DCP1A: variants seen among roughly 807,000 people sequenced by gnomAD.
DCP1A encodes the protein mRNA-decapping enzyme 1A.
DCP1A carries 20 observed loss-of-function variants against 58.0 expected under a neutral mutation model. That is an observed-to-expected ratio of 0.34 (90% CI 0.24 to 0.50). The LOEUF (loss-of-function observed/expected upper bound fraction) is 0.50. Among genes scored for constraint, DCP1A ranks in the 20% least tolerant of loss-of-function variants. The probability of loss-of-function intolerance (pLI) is 0.98; values close to 1 mark genes in which losing one functional copy is unlikely to be tolerated. For missense variants in DCP1A, 613 were observed against 712.2 expected (o/e 0.86, Z 1.59); for synonymous variants, 285 against 275.1 (o/e 1.04, Z -0.36).
At chr3:53,336,230 C>T (rs959602817) in intron 3 of DCP1A, among the ~76,000 whole-genome samples, 4 of 152,106 alleles carry the variant, frequency 2.6e-5, no homozygotes, top group East Asian at 1.9e-4. Flanking sequence ...CAGTCTCTCC[C>T]GAGTAGCTGG....
intron 2 of DCP1A, among the ~76,000 whole-genome samples, chr3:53,344,647 T>A (rs2089269719): frequency 6.6e-6 from 1 of 152,214 alleles, no homozygotes; most frequent in South Asian, 2.1e-4. Flanking sequence ...AGGCATCCAT[T>A]TTAGACTCAA....
intron 3 of DCP1A, among the ~76,000 whole-genome samples, chr3:53,334,048 G>C (rs115452987): frequency 0.022 from 3,355 of 152,220 alleles, 49 homozygotes; most frequent in Middle Eastern, 0.034. Flanking sequence ...GATTGCTTGA[G>C]CCCAGGAGTT....
At chr3:53,333,479 G>GT (rs2089053826) in intron 3 of DCP1A, among the ~76,000 whole-genome samples, 1 of 152,130 alleles carries the variant, frequency 6.6e-6, no homozygotes, top group Middle Eastern at 3.4e-3. Context: ...TATCAGGTTT[G>GT]TTAACTGTAT....
intron 3 of DCP1A, among the ~76,000 whole-genome samples, chr3:53,322,180 C>G (rs185756299): frequency 6.6e-6 from 1 of 152,004 alleles, no homozygotes; most frequent in Non-Finnish European, 1.5e-5. Context: ...CGGCTGGGCA[C>G]GGTGGCTCAT....
intron 3 of DCP1A, chr3:53,338,258 C>T (rs1036589474): frequency 2.9e-5 from 10 of 339,470 alleles, no homozygotes; most frequent in Admixed American, 2.0e-4. Flanking sequence ...CTTGTGACTG[C>T]CAAAAGGCCC....
intron 3 of DCP1A, chr3:53,328,860 T>G (rs1279970382): frequency 1.3e-5 from 2 of 152,502 alleles, no homozygotes; most frequent in East Asian, 1.9e-4. Flanking sequence ...TTTCCTTATC[T>G]TGGTCCAGAA....
At chr3:53,298,759 A>C (rs974118426) in intron 6 of DCP1A, among the ~76,000 whole-genome samples, 26 of 152,260 alleles carry the variant, frequency 1.7e-4, no homozygotes, top group Admixed American at 1.7e-3. Flanking sequence ...GCTACAGATC[A>C]AAATGCATCA....
intron 3 of DCP1A, among the ~76,000 whole-genome samples, chr3:53,331,280 T>C (rs1316285223): frequency 1.3e-5 from 2 of 152,220 alleles, no homozygotes; most frequent in African/African-American, 4.8e-5. Flanking sequence ...GGTTATACTG[T>C]AGACTGTCTA....
rs2106781909 is a variant in DCP1A at position 53,287,333 on chromosome 3, G to T, written c.*247C>A. The T allele has an allele frequency of 2.5e-6, 1 of 396,534 alleles. No homozygotes were observed. 24.6% of individuals were successfully genotyped at this position (396,534 alleles called of 1,614,324 possible). ...AAACACCCACATAACTTAACACAAT[G>T]ATCGCTCTCTTTTTTTTTTTTTTTT... On this transcript the variant is annotated 3_prime_UTR_variant, in exon 10 of 10. Coordinates refer to ENST00000610213, the MANE Select transcript of DCP1A (RefSeq NM_018403.7).
At chr3:53,334,849 CAACTGCTG>C (rs1455999953) in intron 3 of DCP1A, among the ~76,000 whole-genome samples, 2 of 152,084 alleles carry the variant, frequency 1.3e-5, no homozygotes, top group Non-Finnish European at 2.9e-5. Flanking sequence ...TCTGGGGAGA[CAACTGCTG>C]TTGTTTTTGT....
At chr3:53,322,399 C>T (rs1026840618) in intron 3 of DCP1A, among the ~76,000 whole-genome samples, 6 of 150,644 alleles carry the variant, frequency 4.0e-5, no homozygotes, top group African/African-American at 1.2e-4. Context: ...TGCAGTGAGC[C>T]GAGATCACGC....
chr3:53,308,185 T>G (rs1240661706), intron 5 of DCP1A, among the ~76,000 whole-genome samples: 3 of 152,198 alleles, frequency 2.0e-5, no homozygotes, highest in African/African-American at 7.2e-5. Flanking sequence ...AATTTTTGAA[T>G]ATAAAACGTT....
At position 53,288,443 on chromosome 3, in the gene DCP1A, C is replaced by G. The variant is rs1170953263; in HGVS notation, c.1450-160G>C. 4 of 609,382 alleles carry G rather than the reference C, an allele frequency of 6.6e-6. No individual in the cohort carries two copies. The Admixed American group carries it at 1.2e-4, about 18-fold the overall frequency. The allele number at this position is 609,382 out of a possible 1,614,324, so 37.7% of individuals were successfully genotyped here. A position where few individuals can be genotyped will look rare whatever the true frequency, so the allele number is the denominator to read the frequency against. ...ACATTCAGTAGGAACATGTGAACAT[C>G]TGACATCTGGTTATAAACTTCCATT... On this transcript the variant is annotated intron_variant, in intron 8 of 9. Transcript: ENST00000610213.
At chr3:53,332,857 CA>C (rs782238241) in intron 3 of DCP1A, among the ~76,000 whole-genome samples, 249 of 132,754 alleles carry the variant, frequency 1.9e-3, no homozygotes, top group East Asian at 1.7e-3. Flanking sequence ...GACTCCGTTT[CA>C]AAAAAAAAAA....
At chr3:53,311,296 A>C (rs2106833538) in intron 5 of DCP1A, among the ~76,000 whole-genome samples, 1 of 152,350 alleles carries the variant, frequency 6.6e-6, no homozygotes, top group Admixed American at 6.5e-5. Context: ...TATTTAATGA[A>C]GAGTAAGGTG....
rs550781555 is a variant in DCP1A at position 53,319,324 on chromosome 3, C to T, written c.371+83G>A. 1.1e-4 allele frequency: 104 copies of T among 918,830 alleles called. 1 individual carries two copies. The Middle Eastern group carries it at 4.3e-3, about 38-fold the overall frequency. The allele number at this position is 918,830 out of a possible 1,614,324, so 56.9% of individuals were successfully genotyped here. ...TTGGGGAAATACATGAGTTGGCAGA[C>T]TTTAGTAACAAAGAGAAGTGGGAGG... On this transcript the variant is annotated intron_variant, in intron 4 of 9. Transcript: ENST00000610213.
intron 2 of DCP1A, among the ~76,000 whole-genome samples, chr3:53,344,409 A>G (rs1428051470): frequency 3.3e-5 from 5 of 152,232 alleles, no homozygotes; most frequent in African/African-American, 1.2e-4. Context: ...GAATAATCCA[A>G]GCTTTCTAAA....
At chr3:53,315,553 A>AAAG (rs1156939337) in intron 4 of DCP1A, among the ~76,000 whole-genome samples, 1 of 150,756 alleles carries the variant, frequency 6.6e-6, no homozygotes, top group Non-Finnish European at 1.5e-5. Flanking sequence ...AAAAAAAAAA[A>AAAG]AAAAGAGTTT....
intron 4 of DCP1A, among the ~76,000 whole-genome samples, chr3:53,317,599 C>T (rs1189607658): frequency 3.3e-5 from 5 of 152,146 alleles, no homozygotes; most frequent in African/African-American, 1.2e-4. Flanking sequence ...GCCTATAGTC[C>T]CAATTACTTG....
Sources: allele counts gnomAD v4.1 joint callset (sites outside exome capture counted in the v4.1 genomes callset), GRCh38; gene constraint gnomAD v4.1.1; transcripts MANE v1.5; gene names NCBI Gene and HGNC (gene_info 2026-07-23, HGNC 2026-07-21).